NYAP2: variants seen among roughly 807,000 people sequenced by gnomAD.
NYAP2 encodes neuronal tyrosine-phosphorylated phosphoinositide-3-kinase adaptor 2.
Under a neutral mutation model 50.4 loss-of-function variants are expected in NYAP2, and 23 were observed. That is an observed-to-expected ratio of 0.46 (90% CI 0.33 to 0.65). The LOEUF (loss-of-function observed/expected upper bound fraction) is 0.65, where lower values mean the gene tolerates loss of function less well. NYAP2 is among the 30% of genes least tolerant of loss of function. NYAP2 has a pLI of 0.02. For missense variants in NYAP2, 885 were observed against 861.0 expected (o/e 1.03, Z -0.35); for synonymous variants, 394 against 365.2 (o/e 1.08, Z -0.90).
At chr2:225,640,876 C>G (rs1188656834) in intron 6 of NYAP2, among the ~76,000 whole-genome samples, 1 of 152,106 alleles carries the variant, frequency 6.6e-6, no homozygotes, top group Non-Finnish European at 1.5e-5. Context: ...TATAGATACC[C>G]TGAACACTGC....
chr2:225,628,892 C>T (rs1337921505), intron 6 of NYAP2, among the ~76,000 whole-genome samples: 2 of 152,012 alleles, frequency 1.3e-5, no homozygotes, highest in South Asian at 4.1e-4. Context: ...AAAAGATATC[C>T]TTACATTTAA....
At chr2:225,424,558 A>G (rs2106129043) in intron 3 of NYAP2, among the ~76,000 whole-genome samples, 1 of 152,160 alleles carries the variant, frequency 6.6e-6, no homozygotes, top group African/African-American at 2.4e-5. Flanking sequence ...TATCTTCACT[A>G]TAAATGCCAT....
intron 4 of NYAP2, among the ~76,000 whole-genome samples, chr2:225,549,441 C>T (rs1033913352): frequency 2.6e-5 from 4 of 152,016 alleles, no homozygotes; most frequent in South Asian, 2.1e-4. Context: ...AAGCAAAGCT[C>T]GTATGATTCT....
At chr2:225,589,943 T>A (rs1692467766) in intron 5 of NYAP2, among the ~76,000 whole-genome samples, 1 of 152,070 alleles carries the variant, frequency 6.6e-6, no homozygotes, top group Non-Finnish European at 1.5e-5. Flanking sequence ...GCAGGACTCC[T>A]GGATGTACGG....
intron 2 of NYAP2, 145 bp from the exon 3 acceptor site, chr2:225,408,719 T>A: frequency 1.8e-6 from 1 of 558,822 alleles, no homozygotes; most frequent in Non-Finnish European, 3.2e-6. Context: ...ACTTCAAATA[T>A]TGTGGTTGTA....
At chr2:225,546,832 C>A (rs1559210970) in intron 4 of NYAP2, among the ~76,000 whole-genome samples, 1 of 152,140 alleles carries the variant, frequency 6.6e-6, no homozygotes, top group Non-Finnish European at 1.5e-5. Flanking sequence ...AAAGTATCAC[C>A]CCAGGCTGAC....
At chr2:225,461,216 C>G (rs377130462) in intron 3 of NYAP2, among the ~76,000 whole-genome samples, 1 of 152,110 alleles carries the variant, frequency 6.6e-6, no homozygotes, top group South Asian at 2.1e-4. Flanking sequence ...ATCTCAGATT[C>G]TGGCCCAGAA....
At chr2:225,631,870 T>A (rs1168274564) in intron 6 of NYAP2, among the ~76,000 whole-genome samples, 1 of 152,254 alleles carries the variant, frequency 6.6e-6, no homozygotes, top group East Asian at 1.9e-4. Context: ...CAGGCTGGAG[T>A]ACAATGGCAT....
chr2:225,451,326 T>C (rs1211806482), intron 3 of NYAP2, among the ~76,000 whole-genome samples: 2 of 152,200 alleles, frequency 1.3e-5, no homozygotes, highest in Non-Finnish European at 2.9e-5. Context: ...GAATTTTAAA[T>C]GTACTTGATC....
chr2:225,699,836 T>G, the NYAP2 span: 1 of 151,982 alleles, frequency 6.6e-6, no homozygotes, highest in African/African-American at 2.4e-5. Context: ...CATATATATC[T>G]TTTAAGAAGA....
At chr2:225,644,407 T>A (rs1216503432) in intron 6 of NYAP2, among the ~76,000 whole-genome samples, 1 of 151,500 alleles carries the variant, frequency 6.6e-6, no homozygotes, top group East Asian at 2.0e-4. Context: ...TTCACTCTGA[T>A]GGTAGTTTCT....
chr2:225,422,615 G>A (rs1198914772), intron 3 of NYAP2, among the ~76,000 whole-genome samples: 1 of 152,022 alleles, frequency 6.6e-6, no homozygotes, highest in Non-Finnish European at 1.5e-5. Flanking sequence ...GACTGGCAGG[G>A]AGTAATTCAA....
In NYAP2 at chr2:225,411,580, G is replaced by T. The variant is rs538399553; in HGVS notation, c.221+2479G>T. On this transcript the variant is annotated intron_variant, in intron 3 of 6. Transcript: ENST00000636099. ...TAGTCTATAGATTTCACCATCATGA[G>T]CCAAGGACTTAAATTTAAATAGAGA... is the stretch of plus-strand genomic sequence containing the variant. Among the ~76,000 whole-genome samples the T allele has an allele frequency of 1.1e-4, 17 of 152,004 alleles. No homozygotes were observed. The Middle Eastern group carries it at 0.01, about 91-fold the overall frequency.
intron 3 of NYAP2, among the ~76,000 whole-genome samples, chr2:225,492,544 TTA>T (rs1690427886): frequency 6.6e-6 from 1 of 152,228 alleles, no homozygotes; most frequent in South Asian, 2.1e-4. Context: ...TCCATAATGT[TTA>T]TGTTACTCTG....
chr2:225,671,990 T>A, the NYAP2 span, among the ~76,000 whole-genome samples: 1 of 147,992 alleles, frequency 6.8e-6, no homozygotes, highest in African/African-American at 2.6e-5. Flanking sequence ...GCATCCACAC[T>A]TTTTTTTTTC....
intron 5 of NYAP2, among the ~76,000 whole-genome samples, chr2:225,588,541 TCTTA>T (rs1692431366): frequency 6.6e-6 from 1 of 152,190 alleles, no homozygotes; most frequent in African/African-American, 2.4e-5. Context: ...TCCAACTAAC[TCTTA>T]CTAATTTAAT....
chr2:225,469,184 C>G (rs1241266839), intron 3 of NYAP2, among the ~76,000 whole-genome samples: 1 of 151,986 alleles, frequency 6.6e-6, no homozygotes, highest in African/African-American at 2.4e-5. Context: ...AAAAACAACC[C>G]CATCAAAAAG....
At chr2:225,480,343 T>C (rs1285625563) in intron 3 of NYAP2, among the ~76,000 whole-genome samples, 1 of 152,012 alleles carries the variant, frequency 6.6e-6, no homozygotes. Context: ...TAAATGAAAG[T>C]CTGATACAAA....
chr2:225,464,849 AG>A (rs1230175047), intron 3 of NYAP2, among the ~76,000 whole-genome samples: 2 of 152,198 alleles, frequency 1.3e-5, no homozygotes, highest in Non-Finnish European at 2.9e-5. Flanking sequence ...ACCAGTAGTC[AG>A]GCAGTTTCAG....
Sources: allele counts gnomAD v4.1 joint callset (sites outside exome capture counted in the v4.1 genomes callset), GRCh38; gene constraint gnomAD v4.1.1; transcripts MANE v1.5; gene names NCBI Gene and HGNC (gene_info 2026-07-23, HGNC 2026-07-21).